Variants in RANBP17 observed in about 807,000 individuals in gnomAD.
RANBP17 encodes RAN binding protein 17, also known as ran-binding protein 17.
RANBP17 carries 158 observed loss-of-function variants against 141.2 expected under a neutral mutation model. That is an observed-to-expected ratio of 1.12 (90% CI 0.98 to 1.28). The LOEUF (loss-of-function observed/expected upper bound fraction) is 1.28, where lower values mean the gene tolerates loss of function less well. RANBP17 is among the 50% of genes most tolerant of loss of function. RANBP17 has a pLI of 0.00. For missense variants in RANBP17, 1,438 were observed against 1,290.7 expected (o/e 1.11, Z -1.75); for synonymous variants, 430 against 450.0 (o/e 0.96, Z 0.56).
intron 18 of RANBP17, among the ~76,000 whole-genome samples, chr5:171,184,487 G>A (rs1761098706): frequency 6.6e-6 from 1 of 151,972 alleles, no homozygotes; most frequent in Non-Finnish European, 1.5e-5. Flanking sequence ...AGGACTTTGA[G>A]GTGATGCTGG....
chr5:171,226,772 A>T (rs140239633), intron 22 of RANBP17, among the ~76,000 whole-genome samples: 72 of 152,290 alleles, frequency 4.7e-4, no homozygotes, highest in Admixed American at 1.4e-3. Flanking sequence ...GACTTTTTTT[A>T]AAAAAGAGGC....
At chr5:170,891,756 C>T (rs916869923) in intron 3 of RANBP17, among the ~76,000 whole-genome samples, 5 of 152,076 alleles carry the variant, frequency 3.3e-5, no homozygotes, top group African/African-American at 1.2e-4. Context: ...AAATCTGCAC[C>T]TATAATCCAA....
At chr5:171,037,054 C>A (rs569893717) in intron 14 of RANBP17, among the ~76,000 whole-genome samples, 3 of 152,242 alleles carry the variant, frequency 2.0e-5, no homozygotes, top group African/African-American at 7.2e-5. Context: ...TGTTCCCCCC[C>A]AACAGTGTAT....
At chr5:171,167,133 C>T (rs1325050155) in intron 14 of RANBP17, among the ~76,000 whole-genome samples, 1 of 152,172 alleles carries the variant, frequency 6.6e-6, no homozygotes, top group African/African-American at 2.4e-5. Flanking sequence ...TGGGTCAGAT[C>T]TGATGCTTTG....
At chr5:171,012,311 T>C (rs948518165) in intron 14 of RANBP17, among the ~76,000 whole-genome samples, 5 of 152,128 alleles carry the variant, frequency 3.3e-5, no homozygotes, top group African/African-American at 1.2e-4. Context: ...CATTGCATTG[T>C]CGTTGCTTGC....
intron 14 of RANBP17, among the ~76,000 whole-genome samples, chr5:170,994,588 A>T (rs1477766916): frequency 2.0e-5 from 3 of 152,088 alleles, no homozygotes; most frequent in Admixed American, 6.6e-5. Flanking sequence ...TATGGACCAG[A>T]TTCTATCCCA....
intron 14 of RANBP17, among the ~76,000 whole-genome samples, chr5:171,060,710 A>G (rs1401289509): frequency 4.0e-5 from 6 of 151,576 alleles, no homozygotes; most frequent in East Asian, 1.9e-4. Flanking sequence ...CTCTTTTTCT[A>G]TTGATTGGAA....
At chr5:170,884,424 G>A (rs1159482798) in intron 3 of RANBP17, among the ~76,000 whole-genome samples, 1 of 152,072 alleles carries the variant, frequency 6.6e-6, no homozygotes, top group East Asian at 1.9e-4. Flanking sequence ...ACTATATTCT[G>A]TGAATAAGCT....
intron 24 of RANBP17, among the ~76,000 whole-genome samples, chr5:171,257,945 A>G (rs1019898861): frequency 6.6e-6 from 1 of 152,030 alleles, no homozygotes; most frequent in Non-Finnish European, 1.5e-5. Context: ...GCCTCTACTA[A>G]AAATACAAAA....
chr5:171,021,338 T>C (rs13168629), intron 14 of RANBP17, among the ~76,000 whole-genome samples: 6 of 152,192 alleles, frequency 3.9e-5, no homozygotes, highest in African/African-American at 1.4e-4. Context: ...ATTGGGGGAG[T>C]TCTCCTGGAT....
chr5:171,160,614 A>G (rs979488722), intron 14 of RANBP17, among the ~76,000 whole-genome samples: 5 of 152,296 alleles, frequency 3.3e-5, no homozygotes, highest in Admixed American at 6.5e-5. Flanking sequence ...TGGGCTTCAG[A>G]ATCTATTCCT....
intron 14 of RANBP17, among the ~76,000 whole-genome samples, chr5:170,985,058 CA>C (rs1778047754): frequency 6.7e-6 from 1 of 149,076 alleles, no homozygotes; most frequent in Admixed American, 6.6e-5. Flanking sequence ...CAGACACACA[CA>C]GACACATATA....
chr5:171,014,140 A>G (rs1288279213), intron 14 of RANBP17, among the ~76,000 whole-genome samples: 2 of 151,994 alleles, frequency 1.3e-5, no homozygotes, highest in Non-Finnish European at 2.9e-5. Context: ...TAATATAGCA[A>G]CTTCTATTTT....
intron 12 of RANBP17, among the ~76,000 whole-genome samples, chr5:170,925,992 C>T (rs1420526839): frequency 1.3e-5 from 2 of 152,112 alleles, no homozygotes; most frequent in African/African-American, 4.8e-5. Context: ...AATCAGTGCT[C>T]CTTAACAATT....
intron 5 of RANBP17, among the ~76,000 whole-genome samples, chr5:170,904,839 C>T (rs1302721832): frequency 6.6e-6 from 1 of 151,888 alleles, no homozygotes; most frequent in African/African-American, 2.4e-5. Flanking sequence ...TTAAATTCTC[C>T]TGATTCTGTA....
At chr5:170,921,651 A>G (rs1395567967) in intron 11 of RANBP17, among the ~76,000 whole-genome samples, 5 of 152,290 alleles carry the variant, frequency 3.3e-5, no homozygotes, top group Middle Eastern at 6.8e-3. Flanking sequence ...TGATGGGGAT[A>G]GCATTGAATC....
chr5:171,297,846 C>CTT lies in RANBP17; in HGVS notation c.3171-890_3171-889dup, dbSNP rs71310040. On this transcript the variant is annotated intron_variant, in intron 27 of 27. Coordinates refer to ENST00000523189, the MANE Select transcript of RANBP17 (RefSeq NM_022897.5). The stretch of plus-strand genomic sequence containing the variant: ...TTGCCTCAAACTGACCCAATAAATT[C>CTT]TTTTTTTTTTTTTTTTTTTTTTTTT... 4.6e-3 allele frequency among the ~76,000 whole-genome samples: 311 copies of CTT among 67,530 alleles called. 38 individuals are homozygous for CTT. The highest frequency in any genetic ancestry group is 0.01 in the South Asian group (19 of 1,864). 44.3% of individuals were successfully genotyped at this position (67,530 alleles called of 152,430 possible).
intron 14 of RANBP17, among the ~76,000 whole-genome samples, chr5:171,165,614 A>G (rs774463135): frequency 5.9e-5 from 9 of 152,174 alleles, no homozygotes; most frequent in East Asian, 5.8e-4. Context: ...TGCTTTTTCT[A>G]CTTGCTAAGT....
At chr5:171,284,749 T>G (rs1768055783) in intron 25 of RANBP17, 1 of 152,232 alleles carries the variant, frequency 6.6e-6, no homozygotes, top group Non-Finnish European at 1.5e-5. Flanking sequence ...GCCATTTCTG[T>G]CTGTCTCTGC....
Sources: allele counts gnomAD v4.1 joint callset (sites outside exome capture counted in the v4.1 genomes callset), GRCh38; gene constraint gnomAD v4.1.1; transcripts MANE v1.5; gene names NCBI Gene and HGNC (gene_info 2026-07-23, HGNC 2026-07-21).